Variants in KCND2 observed in about 807,000 individuals in gnomAD.
The protein encoded by KCND2 is A-type voltage-gated potassium channel KCND2.
Under a neutral mutation model 54.4 loss-of-function variants are expected in KCND2, and 16 were observed. The observed-to-expected ratio is 0.29, with a 90% CI of 0.20 to 0.45. The LOEUF (loss-of-function observed/expected upper bound fraction) is 0.45, where lower values mean the gene tolerates loss of function less well. Ranked by LOEUF, KCND2 falls within the 20% of genes least tolerant of loss-of-function variation. KCND2 has a pLI of 1.00. For missense variants in KCND2, 486 were observed against 824.2 expected (o/e 0.59, Z 5.02); for synonymous variants, 317 against 310.7 (o/e 1.02, Z -0.21).
At chr7:120,313,826 T>C (rs1799774818) in intron 1 of KCND2, among the ~76,000 whole-genome samples, 1 of 151,668 alleles carries the variant, frequency 6.6e-6, no homozygotes, top group Non-Finnish European at 1.5e-5. Flanking sequence ...GATATTCTAC[T>C]GTAAGACATA....
intron 1 of KCND2, among the ~76,000 whole-genome samples, chr7:120,630,438 G>T (rs760932730): frequency 6.6e-6 from 1 of 151,886 alleles, no homozygotes; most frequent in African/African-American, 2.4e-5. Flanking sequence ...CATTGCTTTG[G>T]TTATGAAATA....
chr7:120,663,386 T>A (rs1219492708), intron 1 of KCND2, among the ~76,000 whole-genome samples: 1 of 152,140 alleles, frequency 6.6e-6, no homozygotes, highest in Non-Finnish European at 1.5e-5. Flanking sequence ...TTTGAAATAA[T>A]GGGATAATTA....
intron 1 of KCND2, among the ~76,000 whole-genome samples, chr7:120,335,861 A>C (rs2116356573): frequency 6.6e-6 from 1 of 152,288 alleles, no homozygotes; most frequent in Admixed American, 6.5e-5. Flanking sequence ...TTACAAGTAA[A>C]ACTTCACCAA....
chr7:120,447,550 C>T (rs192584507), intron 1 of KCND2, among the ~76,000 whole-genome samples: 1 of 152,102 alleles, frequency 6.6e-6, no homozygotes, highest in African/African-American at 2.4e-5. Context: ...GCATCTGAAC[C>T]AACCCTGTAC....
rs1800970901 is a variant in KCND2, at chr7:120,385,170, CTATT to C, written c.1115+109425_1115+109428del. ...TACAGGTGCATGCCACCACGCTCGA[CTATT>C]TTTTTTTTTGGTAGAGACGGGGTTT... is the stretch of plus-strand genomic sequence containing the variant. On this transcript the variant is annotated intron_variant, in intron 1 of 5. Coordinates refer to ENST00000331113, the MANE Select transcript of KCND2 (RefSeq NM_012281.3). 2.0e-5 allele frequency among the ~76,000 whole-genome samples: 3 copies of C among 151,164 alleles called. No individual in the cohort carries two copies. The South Asian group carries it at 6.3e-4, about 32-fold the overall frequency.
At chr7:120,691,299 G>A (rs533322619) in intron 1 of KCND2, among the ~76,000 whole-genome samples, 5 of 152,346 alleles carry the variant, frequency 3.3e-5, no homozygotes, top group South Asian at 2.1e-4. Flanking sequence ...GACTTGGAGA[G>A]ACAAGGCAGA....
intron 1 of KCND2, among the ~76,000 whole-genome samples, chr7:120,284,922 C>CT (rs113038067): frequency 5.9e-5 from 9 of 152,098 alleles, no homozygotes; most frequent in African/African-American, 2.2e-4. Context: ...TAAAAGTTTC[C>CT]CCATGTTATA....
chr7:120,535,530 A>C (rs1291238569), intron 1 of KCND2, among the ~76,000 whole-genome samples: 1 of 152,138 alleles, frequency 6.6e-6, no homozygotes, highest in Non-Finnish European at 1.5e-5. Context: ...TGAAACAGAG[A>C]GCGAGAGGTC....
In KCND2 at chr7:120,749,558, A is replaced by G. The variant is rs1461223776; in HGVS notation, c.*1700A>G. ...GATGAGATTTTTAAATGCTTATGAT[A>G]TTTAATCATAAAAAGGGATTAATCC... On this transcript the variant is annotated 3_prime_UTR_variant, in exon 6 of 6. Coordinates refer to ENST00000331113, the MANE Select transcript of KCND2 (RefSeq NM_012281.3). 3 of 152,338 alleles carry G rather than the reference A, an allele frequency of 2.0e-5. No homozygotes were observed. In the East Asian group the frequency reaches 5.8e-4, roughly 29 times the overall value. The allele number at this position is 152,338 out of a possible 1,614,324, so 9.4% of individuals were successfully genotyped here.
chr7:120,733,158 T>C lies in KCND2; in HGVS notation c.1278+93T>C, dbSNP rs995616702. The stretch of plus-strand genomic sequence containing the variant: ...CTTAATGGTTATTCAGTGCTCTGGA[T>C]TGGTCAGTAGTTGCATCAATCAGGA... On this transcript the variant is annotated intron_variant, in intron 2 of 5. Coordinates refer to ENST00000331113, the MANE Select transcript of KCND2 (RefSeq NM_012281.3). 2.0e-5 allele frequency: 26 copies of C among 1,320,266 alleles called. No individual in the cohort carries two copies. In the Middle Eastern group the frequency reaches 5.4e-4, roughly 28 times the overall value. 81.8% of individuals were successfully genotyped at this position (1,320,266 alleles called of 1,614,324 possible). A position where few individuals can be genotyped will look rare whatever the true frequency, so the allele number is the denominator to read the frequency against.
At chr7:120,742,221 AAACAT>A (rs1247286724) in intron 3 of KCND2, 1 of 385,832 alleles carries the variant, frequency 2.6e-6, no homozygotes, top group Non-Finnish European at 4.9e-6. Flanking sequence ...TTGATCATCA[AAACAT>A]AACAGATTCC....
chr7:120,428,102 C>T (rs111249927), intron 1 of KCND2, among the ~76,000 whole-genome samples: 62 of 152,214 alleles, frequency 4.1e-4, no homozygotes, highest in African/African-American at 1.4e-3. Context: ...ATCACTTGAA[C>T]ATAAAGTACA....
chr7:120,341,360 G>A (rs1228913615), intron 1 of KCND2, among the ~76,000 whole-genome samples: 1 of 152,176 alleles, frequency 6.6e-6, no homozygotes, highest in Admixed American at 6.5e-5. Context: ...AGACCTGTGT[G>A]TTTCTCTGTG....
chr7:120,747,540 G>A, intron 5 of KCND2, 141 bp from the exon 6 acceptor site: 1 of 630,080 alleles, frequency 1.6e-6, no homozygotes, highest in Non-Finnish European at 2.8e-6. Flanking sequence ...ATTAAGATTT[G>A]GTGTTTCATA....
At chr7:120,511,022 TCTCACA>T (rs1803106430) in intron 1 of KCND2, among the ~76,000 whole-genome samples, 1 of 140,016 alleles carries the variant, frequency 7.1e-6, no homozygotes, top group Admixed American at 6.8e-5. Context: ...TCTCTCTCTC[TCTCACA>T]CACACACACA....
At chr7:120,307,518 C>G (rs1418810267) in intron 1 of KCND2, among the ~76,000 whole-genome samples, 1 of 152,066 alleles carries the variant, frequency 6.6e-6, no homozygotes, top group Non-Finnish European at 1.5e-5. Context: ...CCTTTCTCTT[C>G]TTGAAAATAA....
chr7:120,328,975 G>C (rs947010718), intron 1 of KCND2, among the ~76,000 whole-genome samples: 2 of 152,012 alleles, frequency 1.3e-5, no homozygotes, highest in African/African-American at 4.8e-5. Context: ...TGTTCAATTG[G>C]TTACTTATTT....
At chr7:120,592,030 T>A (rs1032440187) in intron 1 of KCND2, among the ~76,000 whole-genome samples, 1 of 152,190 alleles carries the variant, frequency 6.6e-6, no homozygotes, top group African/African-American at 2.4e-5. Context: ...AAAGCTTTAA[T>A]GTAAATATTG....
intron 1 of KCND2, among the ~76,000 whole-genome samples, chr7:120,726,282 C>T (rs1792732832): frequency 6.6e-6 from 1 of 152,128 alleles, no homozygotes; most frequent in Admixed American, 6.6e-5. Context: ...CAGGGCCCCT[C>T]TGGCAAACAA....
Sources: gnomAD v4.1 joint callset for allele counts (sites outside exome capture counted in the v4.1 genomes callset) on GRCh38, gnomAD v4.1.1 for gene constraint, MANE v1.5 for transcripts, NCBI Gene and HGNC (gene_info 2026-07-23, HGNC 2026-07-21) for gene names.